CACNA1E: variants seen among roughly 807,000 people sequenced by gnomAD.
CACNA1E encodes the protein calcium voltage-gated channel subunit alpha1 E, also known as voltage-dependent R-type calcium channel subunit alpha-1E.
A neutral mutation model predicts 259.2 loss-of-function variants in CACNA1E; 40 were observed. That is an observed-to-expected ratio of 0.15 (90% CI 0.12 to 0.20). The LOEUF (loss-of-function observed/expected upper bound fraction) is 0.20, where lower values mean the gene tolerates loss of function less well. Among genes scored for constraint, CACNA1E ranks in the 10% least tolerant of loss-of-function variants. The pLI, the probability that CACNA1E is intolerant of heterozygous loss-of-function variation, is 1.00. For missense variants in CACNA1E, 1,874 were observed against 3,040.1 expected (o/e 0.62, Z 9.02); for synonymous variants, 1,104 against 1,138.5 (o/e 0.97, Z 0.61).
At chr1:181,496,536 A>C (rs965425060) in intron 1 of CACNA1E, among the ~76,000 whole-genome samples, 2 of 152,186 alleles carry the variant, frequency 1.3e-5, no homozygotes, top group African/African-American at 4.8e-5. Flanking sequence ...CTATCAGATA[A>C]GAGAGAAAAG....
rs537011491 is a variant in CACNA1E, at chr1:181,573,819, A to G, written c.513-3947A>G. On this transcript the variant is annotated intron_variant, in intron 3 of 47. Transcript: ENST00000367573. ...ATAAATCATTCTGTTATCAAGATAC[A>G]TACACATGTATGTTCATTGCAGCAC... Among the ~76,000 whole-genome samples the G allele has an allele frequency of 7.9e-5, 12 of 152,364 alleles. No homozygotes were observed. The East Asian group carries it at 2.3e-3, about 29-fold the overall frequency.
intron 1 of CACNA1E, among the ~76,000 whole-genome samples, chr1:181,397,323 G>A (rs945264875): frequency 1.3e-5 from 2 of 152,084 alleles, no homozygotes; most frequent in African/African-American, 4.8e-5. Context: ...CCCTGCCTCG[G>A]TGAGTTTTTT....
At chr1:181,334,613 TC>T (rs1460843163) in intron 1 of CACNA1E, among the ~76,000 whole-genome samples, 1 of 152,214 alleles carries the variant, frequency 6.6e-6, no homozygotes, top group African/African-American at 2.4e-5. Flanking sequence ...TCTCTTTCAC[TC>T]CCCACATCCA....
rs538485999 is a variant in CACNA1E at position 181,551,068 on chromosome 1, G to C, written c.513-26698G>C. Among the ~76,000 whole-genome samples, 6 of 152,302 alleles carry C rather than the reference G, an allele frequency of 3.9e-5. No homozygotes were observed. In the South Asian group the frequency reaches 8.3e-4, roughly 21 times the overall value. On this transcript the variant is annotated intron_variant, in intron 3 of 47. Transcript: ENST00000367573. ...GGGACATTTAGGTTGCTAAGTGATT[G>C]TGCTTGCTTCTAAAAATAATGAGAT...
intron 1 of CACNA1E, among the ~76,000 whole-genome samples, chr1:181,329,535 C>G (rs1651069280): frequency 6.6e-6 from 1 of 152,210 alleles, no homozygotes; most frequent in Non-Finnish European, 1.5e-5. Context: ...ACGCCACACT[C>G]TTTCTCACTG....
chr1:181,424,882 A>C (rs1052264412), intron 2 of CACNA1E, among the ~76,000 whole-genome samples: 4 of 152,048 alleles, frequency 2.6e-5, no homozygotes, highest in African/African-American at 9.7e-5. Context: ...TTGGAGGCTC[A>C]GGTGAATCAG....
intron 1 of CACNA1E, among the ~76,000 whole-genome samples, chr1:181,503,507 T>A (rs1300587472): frequency 6.6e-6 from 1 of 152,212 alleles, no homozygotes; most frequent in Non-Finnish European, 1.5e-5. Flanking sequence ...TGGAGGCCCA[T>A]TACCATAATT....
intron 1 of CACNA1E, among the ~76,000 whole-genome samples, chr1:181,370,594 T>C (rs1654619431): frequency 6.6e-6 from 1 of 152,242 alleles, no homozygotes; most frequent in Non-Finnish European, 1.5e-5. Flanking sequence ...TCTATGTTGC[T>C]GAAAAGGACA....
At position 181,801,569 on chromosome 1, in the gene CACNA1E, T is replaced by A. The variant is rs998012131; in HGVS notation, c.*2735T>A. ...GACCAGAAAATAAAATAATTTTCCG[T>A]TGAGTCACAAACTCATCATCTTGTT... is the stretch of plus-strand genomic sequence containing the variant. On this transcript the variant is annotated 3_prime_UTR_variant, in exon 48 of 48. Transcript: ENST00000367573. 5.9e-5 allele frequency: 9 copies of A among 152,238 alleles called. No homozygotes were observed. Among genetic ancestry groups the A allele is most frequent in the Admixed American group, 5.2e-4 (8 of 15,284 alleles). 9.4% of individuals were successfully genotyped at this position (152,238 alleles called of 1,614,324 possible).
intron 1 of CACNA1E, among the ~76,000 whole-genome samples, chr1:181,318,979 C>A (rs1310963859): frequency 6.6e-6 from 1 of 152,164 alleles, no homozygotes; most frequent in Non-Finnish European, 1.5e-5. Context: ...TTGCTTTGTG[C>A]CCATGTCTTG....
chr1:181,630,527 G>C (rs1395902368), intron 6 of CACNA1E, among the ~76,000 whole-genome samples: 1 of 152,080 alleles, frequency 6.6e-6, no homozygotes, highest in African/African-American at 2.4e-5. Flanking sequence ...TCACCACCCA[G>C]CTGTATTGCA....
intron 1 of CACNA1E, among the ~76,000 whole-genome samples, chr1:181,357,408 G>A (rs946580722): frequency 3.9e-5 from 6 of 152,198 alleles, no homozygotes; most frequent in African/African-American, 9.7e-5. Flanking sequence ...AGATGGATGC[G>A]TTAGTCTCTT....
intron 7 of CACNA1E, among the ~76,000 whole-genome samples, chr1:181,697,067 C>T (rs564511765): frequency 2.0e-5 from 3 of 152,250 alleles, no homozygotes; most frequent in South Asian, 4.1e-4. Context: ...CTTTTCTGAC[C>T]TCGGGTCCTA....
At chr1:181,742,980 A>AT (rs572265138) in intron 25 of CACNA1E, among the ~76,000 whole-genome samples, 2 of 151,990 alleles carry the variant, frequency 1.3e-5, no homozygotes, top group Non-Finnish European at 2.9e-5. Context: ...AGAGCAGTGG[A>AT]TAAAAAAAAT....
intron 1 of CACNA1E, among the ~76,000 whole-genome samples, chr1:181,390,401 G>T: frequency 6.6e-6 from 1 of 152,226 alleles, no homozygotes; most frequent in African/African-American, 2.4e-5. Context: ...TGTTGTTTTT[G>T]TTGCTTGGTC....
intron 3 of CACNA1E, among the ~76,000 whole-genome samples, chr1:181,573,597 A>G (rs529202911): frequency 6.6e-6 from 1 of 152,300 alleles, no homozygotes; most frequent in African/African-American, 2.4e-5. Flanking sequence ...TACCATCTCA[A>G]CACCAGTCAG....
intron 7 of CACNA1E, among the ~76,000 whole-genome samples, chr1:181,699,442 C>T (rs2102365716): frequency 6.6e-6 from 1 of 152,236 alleles, no homozygotes; most frequent in South Asian, 2.1e-4. Flanking sequence ...TTCTCCCATC[C>T]CACGCCAGTG....
At chr1:181,561,190 A>G (rs889028329) in intron 3 of CACNA1E, among the ~76,000 whole-genome samples, 3 of 152,192 alleles carry the variant, frequency 2.0e-5, no homozygotes, top group Non-Finnish European at 4.4e-5. Flanking sequence ...AATGTACTTA[A>G]TGCCGCAGAA....
chr1:181,476,907 T>G (rs75719825), intron 2 of CACNA1E, among the ~76,000 whole-genome samples: 1 of 152,142 alleles, frequency 6.6e-6, no homozygotes, highest in Non-Finnish European at 1.5e-5. Context: ...TAGACAGTGA[T>G]GGGCATGGGA....
Sources: gnomAD v4.1 joint callset for allele counts (sites outside exome capture counted in the v4.1 genomes callset) on GRCh38, gnomAD v4.1.1 for gene constraint, MANE v1.5 for transcripts, NCBI Gene and HGNC (gene_info 2026-07-23, HGNC 2026-07-21) for gene names.